The following FHIP2A variants were observed in gnomAD, a reference collection of about 807,000 sequenced individuals.
The protein encoded by FHIP2A is family with sequence similarity 160 member B1.
Under a neutral mutation model 93.5 loss-of-function variants are expected in FHIP2A, and 46 were observed. That is an observed-to-expected ratio of 0.49 (90% CI 0.39 to 0.63). FHIP2A has a LOEUF of 0.63. FHIP2A is among the 20% of genes least tolerant of loss of function. The pLI, the probability that FHIP2A is intolerant of heterozygous loss-of-function variation, is 0.00. For missense variants in FHIP2A, 769 were observed against 909.7 expected (o/e 0.85, Z 1.99); for synonymous variants, 332 against 326.5 (o/e 1.02, Z -0.18).
rs2083804375 is a variant in FHIP2A, at chr10:114,862,188, T to C, written c.*648T>C. The C allele has an allele frequency of 2.1e-6, 2 of 946,194 alleles. No individual in the cohort carries two copies. Among genetic ancestry groups the C allele is most frequent in the Middle Eastern group, 5.4e-4 (1 of 1,856 alleles). The allele number at this position is 946,194 out of a possible 1,614,324, so 58.6% of individuals were successfully genotyped here. A position where few individuals can be genotyped will look rare whatever the true frequency, so the allele number is the denominator to read the frequency against. ...ATCTATATTTTTAAAGAAATGTTCTTTTACTCTTTTGTGCACATAGCCATG... is the reference window on the plus strand; with the variant it reads ...ATCTATATTTTTAAAGAAATGTTCTCTTACTCTTTTGTGCACATAGCCATG... On this transcript the variant is annotated 3_prime_UTR_variant, in exon 17 of 17. Coordinates refer to ENST00000369248, the MANE Select transcript of FHIP2A (RefSeq NM_020940.4).
chr10:114,846,495 A>G, intron 10 of FHIP2A, 64 bp from the exon 11 acceptor site: 1 of 1,480,400 alleles, frequency 6.8e-7, no homozygotes, highest in South Asian at 1.3e-5. Flanking sequence ...GACTCACAAG[A>G]TGGTAAGAAG....
rs1160604681 is a variant in FHIP2A at position 114,864,709 on chromosome 10, T to G, written c.*3169T>G. 3.1e-6 allele frequency: 3 copies of G among 981,902 alleles called. No individual in the cohort carries two copies. The highest frequency in any genetic ancestry group is 3.6e-6 in the Non-Finnish European group (3 of 826,800). The allele number at this position is 981,902 out of a possible 1,614,324, so 60.8% of individuals were successfully genotyped here. A position where few individuals can be genotyped will look rare whatever the true frequency, so the allele number is the denominator to read the frequency against. On this transcript the variant is annotated 3_prime_UTR_variant, in exon 17 of 17. Coordinates refer to ENST00000369248, the MANE Select transcript of FHIP2A (RefSeq NM_020940.4). The stretch of plus-strand genomic sequence containing the variant: ...GATCTAAAAAATAAATAATGTAATT[T>G]AAACAAAACGTCTTATGTTTTTGTA...
chr10:114,832,627 C>T (rs1469708715), intron 2 of FHIP2A, among the ~76,000 whole-genome samples: 1 of 151,802 alleles, frequency 6.6e-6, no homozygotes. Context: ...TTTTCCTGGT[C>T]ATGTTCCCAT....
intron 16 of FHIP2A, among the ~76,000 whole-genome samples, chr10:114,877,546 C>A (rs745810663): frequency 5.3e-5 from 8 of 151,914 alleles, no homozygotes; most frequent in South Asian, 2.1e-4. Flanking sequence ...CGGTTCGGGC[C>A]CCACAAAAGG....
At chr10:114,854,275 G>A (rs528247857) in intron 13 of FHIP2A, among the ~76,000 whole-genome samples, 223 of 151,560 alleles carry the variant, frequency 1.5e-3, no homozygotes, top group Non-Finnish European at 2.2e-3. Context: ...GGCAGATCAC[G>A]TGAGGTCAGG....
chr10:114,829,648 T>G (rs1354378976), intron 1 of FHIP2A, among the ~76,000 whole-genome samples: 1 of 152,174 alleles, frequency 6.6e-6, no homozygotes, highest in African/African-American at 2.4e-5. Flanking sequence ...ATCGTGTGAC[T>G]AAGAATGCCT....
chr10:114,860,047 G>T (rs1447360559), intron 14 of FHIP2A, among the ~76,000 whole-genome samples: 1 of 152,028 alleles, frequency 6.6e-6, no homozygotes, highest in Non-Finnish European at 1.5e-5. Context: ...TATTTAAAAA[G>T]GTGTAATATC....
chr10:114,846,830 A>C, intron 11 of FHIP2A, 102 bp downstream of exon 11: 1 of 1,141,380 alleles, frequency 8.8e-7, no homozygotes, highest in Non-Finnish European at 1.2e-6. Context: ...AATACCTCTT[A>C]CAGTTTAAAA....
chr10:114,895,096 G>A (rs1011825025), intron 16 of FHIP2A, among the ~76,000 whole-genome samples: 5 of 152,196 alleles, frequency 3.3e-5, no homozygotes, highest in African/African-American at 7.2e-5. Context: ...TGAATAGACA[G>A]TAGGAGTGGA....
chr10:114,868,350 G>C (rs2143013979), downstream of FHIP2A, among the ~76,000 whole-genome samples: 1 of 152,190 alleles, frequency 6.6e-6, no homozygotes, highest in South Asian at 2.1e-4. Flanking sequence ...CTTGCATGCG[G>C]GGATCTAGGT....
intron 1 of FHIP2A, among the ~76,000 whole-genome samples, chr10:114,829,053 C>A (rs2083593350): frequency 1.3e-5 from 2 of 152,094 alleles, no homozygotes; most frequent in African/African-American, 4.8e-5. Context: ...CAAAATGGTA[C>A]CAGTAGAAGT....
intron 16 of FHIP2A, among the ~76,000 whole-genome samples, chr10:114,886,276 C>T (rs2083942207): frequency 6.6e-6 from 1 of 152,000 alleles, no homozygotes. Flanking sequence ...CAAAGGCCAC[C>T]CAATTATTAT....
chr10:114,860,702 G>C, intron 14 of FHIP2A, 47 bp from the exon 15 acceptor site: 2 of 1,416,894 alleles, frequency 1.4e-6, no homozygotes, highest in South Asian at 2.3e-5. Flanking sequence ...TAAGCACACC[G>C]GTATACATTA....
chr10:114,861,612 C>T lies in FHIP2A; in HGVS notation c.*72C>T. 6.4e-7 allele frequency: 1 copy of T among 1,560,300 alleles called. No individual in the cohort carries two copies. Among genetic ancestry groups the T allele is most frequent in the Non-Finnish European group, 8.6e-7 (1 of 1,157,332 alleles). On this transcript the variant is annotated 3_prime_UTR_variant, in exon 17 of 17. Coordinates refer to ENST00000369248, the MANE Select transcript of FHIP2A (RefSeq NM_020940.4). The stretch of plus-strand genomic sequence containing the variant: ...TCACCAAAAAAGACTCAGTTCCACC[C>T]AGCCACAAGAGGATAAAAAGCCTTT...
rs1230451122 is a variant in FHIP2A at position 114,875,847 on chromosome 10, GAA to G, written c.2192+14515_2192+14516del. Among the ~76,000 whole-genome samples, 6 of 127,802 alleles carry G rather than the reference GAA, an allele frequency of 4.7e-5. 1 individual carries two copies. The highest frequency in any genetic ancestry group is 1.5e-4 in the African/African-American group (5 of 32,778). The allele number at this position is 127,802 out of a possible 152,430, so 83.8% of individuals were successfully genotyped here. ...GGTAGGAAGGTAAGAGAGAAAGAAAGAAAGAAAAAGAAAGAAAGAAAGAGAAA... is the reference window on the plus strand; with the variant it reads ...GGTAGGAAGGTAAGAGAGAAAGAAAGAGAAAAAGAAAGAAAGAAAGAGAAA... On this transcript the variant is annotated intron_variant, in intron 16 of 16. Transcript: ENST00000369250.
At chr10:114,856,403 T>C (rs10490908) in intron 14 of FHIP2A, among the ~76,000 whole-genome samples, 48,449 of 152,012 alleles carry the variant, frequency 0.32, 8,297 homozygotes, top group Non-Finnish European at 0.39. Context: ...TTAATAGGTA[T>C]TGTGGCCTCA....
intron 13 of FHIP2A, 152 bp from the exon 14 acceptor site, chr10:114,855,045 G>A: frequency 1.5e-6 from 1 of 676,466 alleles, no homozygotes; most frequent in Non-Finnish European, 2.4e-6. Flanking sequence ...AGAAAGATCT[G>A]AGTCATCTCT....
chr10:114,868,668 A>G (rs1463515110), downstream of FHIP2A, among the ~76,000 whole-genome samples: 2 of 152,186 alleles, frequency 1.3e-5, no homozygotes, highest in Non-Finnish European at 2.9e-5. Context: ...CCAGAAATCT[A>G]AATACCACCA....
intron 5 of FHIP2A, among the ~76,000 whole-genome samples, chr10:114,842,293 G>A (rs1043327858): frequency 6.6e-6 from 1 of 151,862 alleles, no homozygotes; most frequent in Non-Finnish European, 1.5e-5. Flanking sequence ...TCGAATTCCT[G>A]GGCTCAAGTG....
Sources: gnomAD v4.1 joint callset for allele counts (sites outside exome capture counted in the v4.1 genomes callset) on GRCh38, gnomAD v4.1.1 for gene constraint, MANE v1.5 for transcripts, NCBI Gene and HGNC (gene_info 2026-07-23, HGNC 2026-07-21) for gene names.